The following CTTNBP2 variants were observed in gnomAD, a reference collection of about 807,000 sequenced individuals.
The protein encoded by CTTNBP2 is cortactin binding protein 2.
In CTTNBP2, 108 loss-of-function variants were observed where a neutral mutation model predicts 156.9. The observed-to-expected ratio is 0.69, with a 90% confidence interval of 0.59 to 0.81. The LOEUF (loss-of-function observed/expected upper bound fraction) is 0.81, where lower values mean the gene tolerates loss of function less well. CTTNBP2 is among the 30% of genes least tolerant of loss of function. The pLI, the probability that CTTNBP2 is intolerant of heterozygous loss-of-function variation, is 0.00. For missense variants in CTTNBP2, 1,924 were observed against 2,035.4 expected, an observed-to-expected ratio of 0.95 and a Z score of 1.05; for synonymous variants, 767 against 751.8, an observed-to-expected ratio of 1.02 and a Z score of -0.33.
chr7:117,838,540 C>A (rs1382244096), intron 2 of CTTNBP2, among the ~76,000 whole-genome samples: 1 of 152,100 alleles, frequency 6.6e-6, no homozygotes, highest in Non-Finnish European at 1.5e-5. Flanking sequence ...CAGAGTAACT[C>A]TGCATTAATC....
At chr7:117,861,181 T>C (rs944857560) in intron 2 of CTTNBP2, 28 bp downstream of exon 2, 2 of 1,390,188 alleles carry the variant, frequency 1.4e-6, no homozygotes. Flanking sequence ...TGATCCAGCA[T>C]GGAGACCCAC....
intron 2 of CTTNBP2, among the ~76,000 whole-genome samples, chr7:117,820,592 A>G (rs1273311137): frequency 6.6e-6 from 1 of 152,138 alleles, no homozygotes; most frequent in Non-Finnish European, 1.5e-5. Flanking sequence ...ATTTTTCCAC[A>G]TATAGATTCA....
In CTTNBP2 at chr7:117,810,749, T is replaced by G. The variant is rs1286289218; in HGVS notation, c.414+16A>C. On this transcript the variant is annotated intron_variant, in intron 3 of 22. Coordinates refer to ENST00000160373, the MANE Select transcript of CTTNBP2 (RefSeq NM_033427.3). ...ACCATGTTGTGGGGAAAATGACCAT[T>G]TGAACGCCTCAATACCTTCTTTTGT... The G allele has an allele frequency of 2.5e-6, 4 of 1,606,448 alleles. No individual in the cohort carries two copies. The highest frequency in any genetic ancestry group is 3.4e-6 in the Non-Finnish European group (4 of 1,174,670).
intron 2 of CTTNBP2, among the ~76,000 whole-genome samples, chr7:117,836,445 T>C (rs1313759244): frequency 6.6e-6 from 1 of 151,942 alleles, no homozygotes; most frequent in Admixed American, 6.6e-5. Flanking sequence ...GCGCCTGTAG[T>C]CCCAGCCACT....
chr7:117,856,839 A>C (rs577470657), intron 2 of CTTNBP2, among the ~76,000 whole-genome samples: 1 of 152,318 alleles, frequency 6.6e-6, no homozygotes, highest in South Asian at 2.1e-4. Flanking sequence ...TTGACTTTTA[A>C]AATTTTATGA....
At chr7:117,810,198 T>C (rs1290205267) in intron 3 of CTTNBP2, among the ~76,000 whole-genome samples, 1 of 152,188 alleles carries the variant, frequency 6.6e-6, no homozygotes, top group African/African-American at 2.4e-5. Flanking sequence ...GACACAGCTA[T>C]CACACCCCAG....
Position 117,792,234 on chromosome 7 carries a change from T to C in CTTNBP2, c.962A>G (p.Lys321Arg). ...LVTENADHMKKLPLTMPVKPS... is the reference protein window; with the variant it reads ...LVTENADHMKRLPLTMPVKPS... ...TTTTACAGGCATGGTTAAAGGCAAC[T>C]TTTTCATGTGGTCAGCATTTTCTGT... Residue 321 changes from lysine to arginine, a missense_variant, in exon 4 of 23, where the codon AAG becomes AGG. Transcript: ENST00000160373. The surrounding 1 kb of genome is among the most constrained non-coding windows in gnomAD (Gnocchi z 4.2). 1 of 1,614,208 alleles carries C rather than the reference T, an allele frequency of 6.2e-7. No individual in the cohort carries two copies. Among genetic ancestry groups the C allele is most frequent in the Non-Finnish European group, 8.5e-7 (1 of 1,180,040 alleles).
rs1013846260 is a variant in CTTNBP2 at position 117,722,339 on chromosome 7, T to A, written c.4448-1209A>T. Among the ~76,000 whole-genome samples, 3 of 152,074 alleles carry A rather than the reference T, an allele frequency of 2.0e-5. No individual in the cohort carries two copies. The East Asian group carries it at 5.8e-4, about 29-fold the overall frequency. On this transcript the variant is annotated intron_variant, in intron 19 of 22. Transcript: ENST00000160373. ...GTGTAATTATTGGAAAAATTTACCATTATAAAAATAACGAGAGGCATGTCA... is the reference window on the plus strand; with the variant it reads ...GTGTAATTATTGGAAAAATTTACCAATATAAAAATAACGAGAGGCATGTCA...
intron 2 of CTTNBP2, among the ~76,000 whole-genome samples, chr7:117,860,586 G>T (rs189609133): frequency 1.3e-5 from 2 of 151,824 alleles, no homozygotes; most frequent in South Asian, 4.2e-4. Flanking sequence ...CTCATGATCC[G>T]CCCACCTCGG....
At chr7:117,773,024 GA>G (rs1050895664) in intron 8 of CTTNBP2, among the ~76,000 whole-genome samples, 7 of 151,926 alleles carry the variant, frequency 4.6e-5, no homozygotes, top group Non-Finnish European at 7.4e-5. Flanking sequence ...AAAATTAATA[GA>G]AAAAAAGGAA....
At chr7:117,871,825 T>C (rs1331952234) in intron 1 of CTTNBP2, 1 of 436,946 alleles carries the variant, frequency 2.3e-6, no homozygotes. Flanking sequence ...ACACCCTCTT[T>C]CTTTTTCGTC....
At position 117,739,006 on chromosome 7, in the gene CTTNBP2, TC is replaced by T. The variant is rs1202329709; in HGVS notation, c.3536-3586del. Among the ~76,000 whole-genome samples, 5 of 152,296 alleles carry T rather than the reference TC, an allele frequency of 3.3e-5. No individual in the cohort carries two copies. In the East Asian group the frequency reaches 9.7e-4, roughly 29 times the overall value. The stretch of plus-strand genomic sequence containing the variant: ...TCTTTCCACTTCATCTTTATCTTGG[TC>T]TCCCATGAAGTAGCAATCAAGGGTC... On this transcript the variant is annotated intron_variant, in intron 14 of 22. Coordinates refer to ENST00000160373, the MANE Select transcript of CTTNBP2 (RefSeq NM_033427.3).
intron 8 of CTTNBP2, among the ~76,000 whole-genome samples, chr7:117,775,052 A>G (rs2116751108): frequency 6.6e-6 from 1 of 152,316 alleles, no homozygotes; most frequent in South Asian, 2.1e-4. Context: ...GAAGTATGGT[A>G]CAATGAAACG....
chr7:117,746,002 G>C lies in CTTNBP2; in HGVS notation c.3435+11C>G. 3 of 1,612,488 alleles carry C rather than the reference G, an allele frequency of 1.9e-6. No individual in the cohort carries two copies. The highest frequency in any genetic ancestry group is 2.2e-5 in the South Asian group (2 of 91,032). ...TCAAAGAAAAGCAGCTGATATACAA[G>C]TAATCAATACCTTCAGGCAGAGTGC... On this transcript the variant is annotated intron_variant, in intron 13 of 22. Transcript: ENST00000160373.
At chr7:117,795,559 A>G (rs1270128372) in intron 3 of CTTNBP2, among the ~76,000 whole-genome samples, 1 of 152,190 alleles carries the variant, frequency 6.6e-6, no homozygotes, top group African/African-American at 2.4e-5. Flanking sequence ...AGTGTCAGTC[A>G]TGGCAATCAC....
In CTTNBP2 at chr7:117,791,201, G is replaced by A. The variant is rs565823226; in HGVS notation, c.1995C>T (p.Cys665=). 3.1e-6 allele frequency: 5 copies of A among 1,614,204 alleles called. No individual in the cohort carries two copies. Among genetic ancestry groups the A allele is most frequent in the South Asian group, 2.2e-5 (2 of 91,086 alleles). The change falls in exon 4 of 23, where the codon TGC becomes TGT. Residue 665 remains cysteine, a synonymous_variant. Transcript: ENST00000160373. ...SLVIPTTIAF[C]SSINPVSASS... ...AGGCACTAACGGGGTTTATGGAAGA[G>A]CAAAAGGCAATGGTGGTAGGAATGA...
chr7:117,780,517 A>T lies in CTTNBP2; in HGVS notation c.2447T>A (p.Leu816Gln). Residue 816 changes from leucine (L) to glutamine (Q), a missense_variant, in exon 7 of 23, where the codon CTG becomes CAG. Leu to Gln is a moderately radical substitution (Grantham distance 113, BLOSUM62 -2). Coordinates refer to ENST00000160373, the MANE Select transcript of CTTNBP2 (RefSeq NM_033427.3). ...AADGGQTPLYLACKNGNKECI... is the reference protein window; with the variant it reads ...AADGGQTPLYQACKNGNKECI... Reference sequence around the variant, plus strand: ...TTCTTTATTTCCATTTTTACAGGCCAGGTATAGAGGTGTCTGTCCTCCATC... The same window carrying T: ...TTCTTTATTTCCATTTTTACAGGCCTGGTATAGAGGTGTCTGTCCTCCATC... 1 of 1,598,530 alleles carries T rather than the reference A, an allele frequency of 6.3e-7. No individual in the cohort carries two copies. The highest frequency in any genetic ancestry group is 8.5e-7 in the Non-Finnish European group (1 of 1,171,196).
chr7:117,796,618 C>A (rs1239416509), intron 3 of CTTNBP2, among the ~76,000 whole-genome samples: 1 of 152,144 alleles, frequency 6.6e-6, no homozygotes, highest in Non-Finnish European at 1.5e-5. Context: ...TAAGACAACA[C>A]GTGTAAATCA....
chr7:117,767,052 C>T lies in CTTNBP2; in HGVS notation c.2896+7G>A, dbSNP rs759391731. The T allele has an allele frequency of 4.2e-6, 6 of 1,421,448 alleles. No individual in the cohort carries two copies. In the East Asian group the frequency reaches 1.1e-4, roughly 27 times the overall value. The allele number at this position is 1,421,448 out of a possible 1,614,324, so 88.1% of individuals were successfully genotyped here. A position where few individuals can be genotyped will look rare whatever the true frequency, so the allele number is the denominator to read the frequency against. On this transcript the variant is annotated splice_region_variant and intron_variant, in intron 9 of 22. Transcript: ENST00000160373. The stretch of plus-strand genomic sequence containing the variant: ...AAGATAAACAATAAGCTCTGAACAT[C>T]ACTCACTCAGATTCTCCAGCAAATG...
Sources: allele counts gnomAD v4.1 joint callset (sites outside exome capture counted in the v4.1 genomes callset), GRCh38; gene constraint gnomAD v4.1.1; non-coding constraint Gnocchi (gnomAD v3.1); transcripts MANE v1.5; gene names NCBI Gene and HGNC (gene_info 2026-07-23, HGNC 2026-07-21).